LRRC37A2: variants seen among roughly 807,000 people sequenced by gnomAD.
LRRC37A2 encodes leucine rich repeat containing 37 member A2.
Under a neutral mutation model 68.8 loss-of-function variants are expected in LRRC37A2, and 9 were observed. The observed-to-expected ratio is 0.13, with a 90% CI of 0.08 to 0.23. The LOEUF (loss-of-function observed/expected upper bound fraction) is 0.23. Ranked by LOEUF, LRRC37A2 falls within the 10% of genes least tolerant of loss-of-function variation. The pLI, the probability that LRRC37A2 is intolerant of heterozygous loss-of-function variation, is 1.00. For synonymous variants in LRRC37A2, 63 were observed against 367.6 expected (o/e 0.17, Z 9.48); for missense variants, 168 against 950.4 (o/e 0.18, Z 10.82).
At chr17:46,598,542 A>G in the LRRC37A2 span, among the ~76,000 whole-genome samples, 1 of 152,220 alleles carries the variant, frequency 6.6e-6, no homozygotes, top group Non-Finnish European at 1.5e-5. Context: ...TTTGGCAGAG[A>G]TAGGAGTAAG....
At chr17:46,832,020 G>T in the LRRC37A2 span, among the ~76,000 whole-genome samples, 1 of 152,234 alleles carries the variant, frequency 6.6e-6, no homozygotes, top group Non-Finnish European at 1.5e-5. Context: ...CTAGGTGAAG[G>T]GTTGTCCATG....
the LRRC37A2 span, among the ~76,000 whole-genome samples, chr17:46,710,528 C>T: frequency 2.0e-5 from 3 of 152,292 alleles, no homozygotes; most frequent in East Asian, 1.9e-4. Flanking sequence ...ATTACCATTT[C>T]GTATTCTCAT....
chr17:46,718,853 T>C, the LRRC37A2 span, among the ~76,000 whole-genome samples: 1 of 152,202 alleles, frequency 6.6e-6, no homozygotes, highest in Non-Finnish European at 1.5e-5. Flanking sequence ...TTTTTACTTA[T>C]TATTATACAT....
the LRRC37A2 span, among the ~76,000 whole-genome samples, chr17:46,388,918 G>A: frequency 3.1e-5 from 2 of 65,464 alleles, no homozygotes; most frequent in African/African-American, 6.6e-5. Context: ...CAAGCAGGCC[G>A]GGTGCAGTGG....
chr17:47,021,666 G>A, the LRRC37A2 span: 3 of 679,424 alleles, frequency 4.4e-6, no homozygotes, highest in Non-Finnish European at 7.3e-6. Flanking sequence ...CATCATTTGT[G>A]CCAGTGACCC....
chr17:46,718,014 C>T, the LRRC37A2 span, among the ~76,000 whole-genome samples: 1 of 152,172 alleles, frequency 6.6e-6, no homozygotes, highest in Admixed American at 6.5e-5. Flanking sequence ...GCCTGCTCAT[C>T]ATCCTGATTG....
intron 8 of LRRC37A2, among the ~76,000 whole-genome samples, chr17:46,545,210 T>C (rs2056093991): frequency 7.3e-6 from 1 of 136,820 alleles, no homozygotes; most frequent in Admixed American, 7.1e-5. Flanking sequence ...GGTGGGAGGA[T>C]TGCTTGAGCC....
At chr17:46,904,386 C>A in the LRRC37A2 span, among the ~76,000 whole-genome samples, 9 of 142,364 alleles carry the variant, frequency 6.3e-5, no homozygotes, top group Non-Finnish European at 9.1e-5. Context: ...GGCTGACTGG[C>A]TGGCTGGATA....
chr17:46,548,787 G>A, exon 10 of LRRC37A2: 2 of 1,611,784 alleles, frequency 1.2e-6, no homozygotes, highest in East Asian at 2.2e-5. Flanking sequence ...AGGTGGAACA[G>A]CCCCACACAC....
chr17:46,741,739 T>C, the LRRC37A2 span, among the ~76,000 whole-genome samples: 2 of 148,964 alleles, frequency 1.3e-5, no homozygotes, highest in South Asian at 2.2e-4. Flanking sequence ...CCAAGAGTTG[T>C]AGGAGATGTT....
chr17:46,845,205 C>G, the LRRC37A2 span, among the ~76,000 whole-genome samples: 4 of 152,242 alleles, frequency 2.6e-5, no homozygotes, highest in Non-Finnish European at 5.9e-5. Flanking sequence ...GAATGCCTTT[C>G]TGTTGTAAAA....
At chr17:46,897,110 G>A in the LRRC37A2 span, among the ~76,000 whole-genome samples, 1 of 152,178 alleles carries the variant, frequency 6.6e-6, no homozygotes, top group African/African-American at 2.4e-5. Context: ...GCGACCGCTC[G>A]AGTACCAAGA....
the LRRC37A2 span, among the ~76,000 whole-genome samples, chr17:46,986,105 G>A: frequency 6.6e-6 from 1 of 152,046 alleles, no homozygotes; most frequent in African/African-American, 2.4e-5. Context: ...TTAGTATGTG[G>A]ATGTACATTG....
At chr17:47,009,697 C>T in the LRRC37A2 span, among the ~76,000 whole-genome samples, 7 of 152,204 alleles carry the variant, frequency 4.6e-5, no homozygotes, top group Non-Finnish European at 1.0e-4. Context: ...CAGCCTCCGC[C>T]CCCACGCCCC....
the LRRC37A2 span, among the ~76,000 whole-genome samples, chr17:46,934,847 TCTG>T: frequency 6.6e-6 from 1 of 152,366 alleles, no homozygotes; most frequent in Admixed American, 6.5e-5. Flanking sequence ...AAGTTCCTCT[TCTG>T]TGTGGACAGA....
At chr17:46,900,192 TATATATATATAC>T in the LRRC37A2 span, among the ~76,000 whole-genome samples, 300 of 97,408 alleles carry the variant, frequency 3.1e-3, 2 homozygotes, top group Middle Eastern at 0.015. Flanking sequence ...TATATATATA[TATATATATATAC>T]ACACACACAC....
chr17:46,771,586 C>G, the LRRC37A2 span, among the ~76,000 whole-genome samples: 1 of 148,036 alleles, frequency 6.8e-6, no homozygotes, highest in Non-Finnish European at 1.5e-5. Context: ...CTGGGCCGCT[C>G]AATCCGCCTT....
At chr17:46,760,359 C>A in the LRRC37A2 span, among the ~76,000 whole-genome samples, 1 of 151,886 alleles carries the variant, frequency 6.6e-6, no homozygotes, top group Non-Finnish European at 1.5e-5. Context: ...ACTGGCCAGG[C>A]AGGGTGGCTC....
chr17:47,014,365 G>C, the LRRC37A2 span, among the ~76,000 whole-genome samples: 1 of 150,320 alleles, frequency 6.7e-6, no homozygotes, highest in Non-Finnish European at 1.5e-5. Flanking sequence ...ACTCCAGCCT[G>C]GATGACAGAG....
Sources: gnomAD v4.1 joint callset for allele counts (sites outside exome capture counted in the v4.1 genomes callset) on GRCh38, gnomAD v4.1.1 for gene constraint, MANE v1.5 for transcripts, NCBI Gene and HGNC (gene_info 2026-07-23, HGNC 2026-07-21) for gene names.